LARGE1: variants seen among roughly 807,000 people sequenced by gnomAD.
LARGE1 encodes the protein xylosyl- and glucuronyltransferase LARGE1.
Under a neutral mutation model 87.6 loss-of-function variants are expected in LARGE1, and 43 were observed. The ratio of observed to expected loss-of-function variants is 0.49; its 90% CI spans 0.38 to 0.63. LARGE1 has a LOEUF of 0.63. LARGE1 is among the 30% of genes least tolerant of loss of function. The probability of loss-of-function intolerance (pLI) is 0.00; values close to 1 mark genes in which losing one functional copy is unlikely to be tolerated. For synonymous variants in LARGE1, 434 were observed against 394.6 expected (o/e 1.10, Z -1.18); for missense variants, 802 against 1,000.2 (o/e 0.80, Z 2.67).
At chr22:33,260,599 C>T (rs1927573395) in intron 11 of LARGE1, among the ~76,000 whole-genome samples, 1 of 152,208 alleles carries the variant, frequency 6.6e-6, no homozygotes, top group Non-Finnish European at 1.5e-5. Flanking sequence ...ATGCATCTAG[C>T]AGAGGACCTG....
intron 1 of LARGE1, among the ~76,000 whole-genome samples, chr22:33,763,764 C>T (rs1225915718): frequency 6.7e-6 from 1 of 150,116 alleles, no homozygotes; most frequent in Non-Finnish European, 1.5e-5. Context: ...AAGTGCTTAC[C>T]AAAGATATTT....
At chr22:33,297,695 G>C (rs895217356) in intron 12 of LARGE1, among the ~76,000 whole-genome samples, 7 of 151,488 alleles carry the variant, frequency 4.6e-5, no homozygotes, top group Non-Finnish European at 2.9e-5. Context: ...TTTGGGCATG[G>C]ATTAAAGATG....
At chr22:33,201,051 A>G (rs1190523647) in intron 11 of LARGE1, among the ~76,000 whole-genome samples, 1 of 152,174 alleles carries the variant, frequency 6.6e-6, no homozygotes, top group Non-Finnish European at 1.5e-5. Context: ...ACTCATGCCT[A>G]TAATTCCAGC....
chr22:33,635,218 G>C (rs1602871574), intron 3 of LARGE1, among the ~76,000 whole-genome samples: 1 of 152,104 alleles, frequency 6.6e-6, no homozygotes, highest in African/African-American at 2.4e-5. Context: ...CTGGAATGCA[G>C]ACCGTACAGG....
the LARGE1 span, among the ~76,000 whole-genome samples, chr22:33,139,236 C>T: frequency 6.6e-6 from 1 of 152,062 alleles, no homozygotes; most frequent in Non-Finnish European, 1.5e-5. Flanking sequence ...TCTCATTGTG[C>T]TTTTAATTTG....
intron 6 of LARGE1, among the ~76,000 whole-genome samples, chr22:33,517,762 C>A (rs1012500766): frequency 1.3e-4 from 20 of 152,172 alleles, no homozygotes; most frequent in Admixed American, 1.3e-3. Context: ...TACCCACAGA[C>A]CCGGAGTAAG....
chr22:33,279,183 G>C (rs1017626358), intron 13 of LARGE1, among the ~76,000 whole-genome samples: 1 of 152,208 alleles, frequency 6.6e-6, no homozygotes, highest in East Asian at 1.9e-4. Flanking sequence ...AGAAGCTACA[G>C]AGAGACGGCA....
At chr22:33,209,743 T>A (rs1924864754) in intron 11 of LARGE1, among the ~76,000 whole-genome samples, 1 of 152,184 alleles carries the variant, frequency 6.6e-6, no homozygotes, top group Non-Finnish European at 1.5e-5. Flanking sequence ...CCTCCTGGGC[T>A]CAAGTGATCC....
intron 13 of LARGE1, among the ~76,000 whole-genome samples, chr22:33,280,975 C>T (rs1211300881): frequency 6.6e-6 from 1 of 152,188 alleles, no homozygotes; most frequent in Admixed American, 6.5e-5. Flanking sequence ...CATTCTGGAG[C>T]CACCGCCCTA....
chr22:33,534,010 T>C (rs905061329), intron 6 of LARGE1, among the ~76,000 whole-genome samples: 1 of 152,158 alleles, frequency 6.6e-6, no homozygotes, highest in Middle Eastern at 3.4e-3. Context: ...TTTCCTCCAA[T>C]GTTTACTGAC....
chr22:33,466,344 G>GT (rs111661215), intron 6 of LARGE1, among the ~76,000 whole-genome samples: 5,374 of 147,958 alleles, frequency 0.036, 312 homozygotes, highest in African/African-American at 0.13. Context: ...GCCCATCACT[G>GT]TTTTTTTTTC....
intron 1 of LARGE1, among the ~76,000 whole-genome samples, chr22:33,888,053 G>A (rs879636200): frequency 2.6e-5 from 4 of 152,116 alleles, no homozygotes; most frequent in Non-Finnish European, 4.4e-5. Flanking sequence ...CCTTCCCAAT[G>A]TGGACAACAC....
chr22:33,341,713 T>C (rs1939165946), intron 9 of LARGE1, among the ~76,000 whole-genome samples: 1 of 152,220 alleles, frequency 6.6e-6, no homozygotes, highest in South Asian at 2.1e-4. Flanking sequence ...GAGGTCTGAA[T>C]TCCAGCTATG....
intron 3 of LARGE1, among the ~76,000 whole-genome samples, chr22:33,633,561 G>A (rs1602857751): frequency 6.6e-6 from 1 of 152,188 alleles, no homozygotes; most frequent in African/African-American, 2.4e-5. Flanking sequence ...TGTGGCCCTG[G>A]CAGAACTCTT....
At chr22:33,903,024 C>T (rs745595558) in intron 1 of LARGE1, among the ~76,000 whole-genome samples, 26 of 152,042 alleles carry the variant, frequency 1.7e-4, no homozygotes, top group African/African-American at 5.8e-4. Flanking sequence ...CCCAGCTACT[C>T]GGGAGGCTGA....
rs548731906 is a variant in LARGE1 at position 33,554,526 on chromosome 22, C to A, written c.787+10322G>T. Among the ~76,000 whole-genome samples the A allele has an allele frequency of 2.3e-3, 344 of 152,228 alleles. 1 individual carries two copies. The highest frequency in any genetic ancestry group is 7.8e-3 in the African/African-American group (325 of 41,550). On this transcript the variant is annotated intron_variant, in intron 6 of 14. Transcript: ENST00000397394. The stretch of plus-strand genomic sequence containing the variant: ...ATCTCTGCATGTCCAAAACCGAACT[C>A]GCCGTCCAGTGCTATTCACTCTACG...
chr22:33,779,235 G>A (rs1008643179), intron 1 of LARGE1, among the ~76,000 whole-genome samples: 1 of 152,128 alleles, frequency 6.6e-6, no homozygotes, highest in African/African-American at 2.4e-5. Flanking sequence ...ACAAGGAACG[G>A]TGGTTATTTC....
chr22:33,434,542 G>A (rs956143590), intron 6 of LARGE1, among the ~76,000 whole-genome samples: 8 of 152,058 alleles, frequency 5.3e-5, no homozygotes, highest in African/African-American at 7.2e-5. Flanking sequence ...CTTGTGATCC[G>A]CCTGCCTCGG....
chr22:33,092,530 G>A, the LARGE1 span, among the ~76,000 whole-genome samples: 1 of 152,104 alleles, frequency 6.6e-6, no homozygotes, highest in African/African-American at 2.4e-5. Flanking sequence ...GTAAACAGGT[G>A]CCATGGTGGT....
Sources: gnomAD v4.1 joint callset for allele counts (sites outside exome capture counted in the v4.1 genomes callset) on GRCh38, gnomAD v4.1.1 for gene constraint, MANE v1.5 for transcripts, NCBI Gene and HGNC (gene_info 2026-07-23, HGNC 2026-07-21) for gene names.